The following DNM3 variants were observed in gnomAD, a reference collection of about 807,000 sequenced individuals.
DNM3 encodes the protein dynamin 3, also known as dynamin-3.
Under a neutral mutation model 101.6 loss-of-function variants are expected in DNM3, and 47 were observed. The observed-to-expected ratio is 0.46, with a 90% CI of 0.37 to 0.59. The LOEUF (loss-of-function observed/expected upper bound fraction) is 0.59. Among genes scored for constraint, DNM3 ranks in the 20% least tolerant of loss-of-function variants. The pLI, the probability that DNM3 is intolerant of heterozygous loss-of-function variation, is 0.00. For missense variants in DNM3, 849 were observed against 1,085.7 expected, an observed-to-expected ratio of 0.78 and a Z score of 3.06; for synonymous variants, 385 against 387.9, an observed-to-expected ratio of 0.99 and a Z score of 0.09.
chr1:172,297,024 T>G (rs1298781017), intron 15 of DNM3, among the ~76,000 whole-genome samples: 1 of 151,600 alleles, frequency 6.6e-6, no homozygotes, highest in Non-Finnish European at 1.5e-5. Flanking sequence ...GTTCCTGTAA[T>G]CACAGCTACT....
chr1:172,241,120 T>C, intron 14 of DNM3, among the ~76,000 whole-genome samples: 1 of 152,100 alleles, frequency 6.6e-6, no homozygotes, highest in East Asian at 1.9e-4. Flanking sequence ...CTATTTTCTG[T>C]TGCCTTATTT....
At chr1:172,147,444 T>G (rs1038174282) in intron 14 of DNM3, among the ~76,000 whole-genome samples, 4 of 152,126 alleles carry the variant, frequency 2.6e-5, no homozygotes, top group African/African-American at 9.7e-5. Context: ...ATTTCAAAAG[T>G]TGTTGACCAA....
intron 13 of DNM3, among the ~76,000 whole-genome samples, chr1:172,129,018 A>G (rs1232371309): frequency 6.6e-6 from 1 of 152,186 alleles, no homozygotes; most frequent in Non-Finnish European, 1.5e-5. Context: ...AGAAAATAAG[A>G]AAGCTCAGAT....
chr1:171,990,637 C>T (rs1248564132), intron 4 of DNM3, among the ~76,000 whole-genome samples: 1 of 152,124 alleles, frequency 6.6e-6, no homozygotes, highest in Non-Finnish European at 1.5e-5. Context: ...GTCTTCAGTA[C>T]TCTGCTGAGG....
intron 10 of DNM3, among the ~76,000 whole-genome samples, chr1:172,062,880 G>A (rs781713240): frequency 9.2e-5 from 14 of 152,064 alleles, no homozygotes; most frequent in Admixed American, 1.3e-4. Context: ...TGTGTTGTGC[G>A]CAGATGACTG....
intron 13 of DNM3, among the ~76,000 whole-genome samples, chr1:172,106,847 CTTTT>C (rs1165611083): frequency 4.7e-4 from 32 of 67,954 alleles, no homozygotes; most frequent in Non-Finnish European, 6.4e-4. Flanking sequence ...TAACATTATT[CTTTT>C]TTTTTTTTTT....
At chr1:171,891,124 C>T (rs531710856) in intron 1 of DNM3, among the ~76,000 whole-genome samples, 13 of 152,214 alleles carry the variant, frequency 8.5e-5, no homozygotes, top group African/African-American at 3.1e-4. Context: ...AGAGGAAGAG[C>T]ATCAAAGTGA....
At chr1:172,312,648 C>A (rs997473671) in intron 16 of DNM3, among the ~76,000 whole-genome samples, 6 of 151,922 alleles carry the variant, frequency 3.9e-5, no homozygotes, top group Non-Finnish European at 7.4e-5. Flanking sequence ...TATTTCTTTC[C>A]TTCCCTTCCA....
intron 1 of DNM3, 25 bp downstream of exon 1, chr1:171,841,842 G>T: frequency 6.3e-7 from 1 of 1,595,822 alleles, no homozygotes; most frequent in African/African-American, 1.3e-5. Context: ...CGCGGAGTAA[G>T]GATGCGGCAG....
chr1:171,987,926 CTG>C, intron 3 of DNM3, 121 bp downstream of exon 3: 6 of 942,048 alleles, frequency 6.4e-6, no homozygotes, highest in Non-Finnish European at 8.7e-6. Flanking sequence ...CCTTTGGATA[CTG>C]CCCATTAATG....
intron 17 of DNM3, among the ~76,000 whole-genome samples, chr1:172,375,941 A>G (rs1388124837): frequency 1.3e-5 from 2 of 151,904 alleles, no homozygotes; most frequent in Non-Finnish European, 2.9e-5. Flanking sequence ...GCAGTGAGCT[A>G]TGATCACGCC....
At chr1:171,959,208 A>G (rs2043051459) in intron 2 of DNM3, among the ~76,000 whole-genome samples, 1 of 152,130 alleles carries the variant, frequency 6.6e-6, no homozygotes, top group Admixed American at 6.5e-5. Context: ...GGTATTGGAC[A>G]GTTTTGATTC....
chr1:172,132,106 C>A (rs563795974), intron 14 of DNM3, among the ~76,000 whole-genome samples: 19 of 152,258 alleles, frequency 1.2e-4, no homozygotes, highest in African/African-American at 4.3e-4. Context: ...GATAAGGATA[C>A]TCTGTGATAG....
At chr1:171,915,343 G>T (rs7551737) in intron 1 of DNM3, among the ~76,000 whole-genome samples, 1 of 151,958 alleles carries the variant, frequency 6.6e-6, no homozygotes, top group Non-Finnish European at 1.5e-5. Context: ...GGATAGGAGG[G>T]TGCTCAAATT....
intron 14 of DNM3, among the ~76,000 whole-genome samples, chr1:172,150,324 A>G (rs1449201315): frequency 6.6e-6 from 1 of 152,196 alleles, no homozygotes; most frequent in Non-Finnish European, 1.5e-5. Context: ...CAGGTTGCAA[A>G]TGAGTATTAA....
intron 13 of DNM3, among the ~76,000 whole-genome samples, chr1:172,097,840 G>T (rs1312627772): frequency 6.6e-6 from 1 of 152,130 alleles, no homozygotes; most frequent in African/African-American, 2.4e-5. Context: ...TTTAAAGCTG[G>T]GTGTCCAGGG....
chr1:172,417,602 A>G (rs1159439069), downstream of DNM3, among the ~76,000 whole-genome samples: 1 of 152,144 alleles, frequency 6.6e-6, no homozygotes, highest in Non-Finnish European at 1.5e-5. Context: ...AATCCTAGAA[A>G]ATCCTGGGGT....
At chr1:172,252,149 T>A (rs975735079) in intron 14 of DNM3, among the ~76,000 whole-genome samples, 3 of 152,170 alleles carry the variant, frequency 2.0e-5, no homozygotes, top group African/African-American at 7.2e-5. Context: ...TTTCTTCTTT[T>A]CTTTGGAGAC....
intron 15 of DNM3, among the ~76,000 whole-genome samples, chr1:172,295,858 A>G (rs2064139126): frequency 6.6e-6 from 1 of 152,160 alleles, no homozygotes; most frequent in Admixed American, 6.5e-5. Context: ...AAACAAATGG[A>G]AAAAAATGTA....
Sources: allele counts gnomAD v4.1 joint callset (sites outside exome capture counted in the v4.1 genomes callset), GRCh38; gene constraint gnomAD v4.1.1; transcripts MANE v1.5; gene names NCBI Gene and HGNC (gene_info 2026-07-23, HGNC 2026-07-21).